Variants in ZDHHC7 observed in about 807,000 individuals in gnomAD.
The protein encoded by ZDHHC7 is zDHHC palmitoyltransferase 7.
A neutral mutation model predicts 34.1 loss-of-function variants in ZDHHC7; 12 were observed. The ratio of observed to expected loss-of-function variants is 0.35; its 90% CI spans 0.23 to 0.57. The LOEUF (loss-of-function observed/expected upper bound fraction) is 0.57, where lower values mean the gene tolerates loss of function less well. Among genes scored for constraint, ZDHHC7 ranks in the 20% least tolerant of loss-of-function variants. ZDHHC7 has a pLI of 0.84. For missense variants in ZDHHC7, 388 were observed against 402.7 expected, an observed-to-expected ratio of 0.96 and a Z score of 0.31; for synonymous variants, 185 against 155.4, an observed-to-expected ratio of 1.19 and a Z score of -1.42.
At chr16:85,009,456 ATT>A in intron 1 of ZDHHC7, among the ~76,000 whole-genome samples, 1 of 152,130 alleles carries the variant, frequency 6.6e-6, no homozygotes, top group Non-Finnish European at 1.5e-5. Context: ...GTTTCAATTC[ATT>A]AATCTGTCAA....
At chr16:84,991,223 G>C (rs868686407) in intron 2 of ZDHHC7, among the ~76,000 whole-genome samples, 42 of 152,286 alleles carry the variant, frequency 2.8e-4, no homozygotes, top group African/African-American at 9.6e-4. Flanking sequence ...TTTTGGAGCA[G>C]ACTCCCATTT....
the ZDHHC7 span, among the ~76,000 whole-genome samples, chr16:85,024,245 T>C: frequency 6.7e-6 from 1 of 149,908 alleles, no homozygotes; most frequent in Non-Finnish European, 1.5e-5. Context: ...TTTTTTTTTT[T>C]TTTTGAGACA....
upstream of ZDHHC7, among the ~76,000 whole-genome samples, chr16:85,014,773 C>G (rs2072827403): frequency 6.6e-6 from 1 of 152,132 alleles, no homozygotes; most frequent in African/African-American, 2.4e-5. Context: ...AGGACACAGC[C>G]CCAGGGGATT....
At chr16:85,017,796 G>T in the ZDHHC7 span, among the ~76,000 whole-genome samples, 2 of 152,190 alleles carry the variant, frequency 1.3e-5, no homozygotes, top group African/African-American at 4.8e-5. Flanking sequence ...TGAAAGCACA[G>T]TGATTTATTG....
At chr16:84,985,201 C>A (rs2072420887) in intron 3 of ZDHHC7, among the ~76,000 whole-genome samples, 1 of 152,244 alleles carries the variant, frequency 6.6e-6, no homozygotes, top group African/African-American at 2.4e-5. Context: ...GCTGTTCCCT[C>A]TTCTGGTGCC....
At chr16:85,001,806 A>G (rs35215168) in intron 1 of ZDHHC7, among the ~76,000 whole-genome samples, 69,573 of 151,862 alleles carry the variant, frequency 0.46, 17,567 homozygotes, top group African/African-American at 0.66. Context: ...GAATTCCTGG[A>G]CTCAAGCGAT....
At chr16:85,006,581 T>TA (rs1206821894) in intron 1 of ZDHHC7, among the ~76,000 whole-genome samples, 10 of 148,300 alleles carry the variant, frequency 6.7e-5, no homozygotes, top group Non-Finnish European at 1.3e-4. Flanking sequence ...TTCTGTAATT[T>TA]AAAAAAAAAG....
chr16:84,983,369 C>T (rs1566460), intron 3 of ZDHHC7, among the ~76,000 whole-genome samples: 37,987 of 152,086 alleles, frequency 0.25, 5,529 homozygotes, highest in East Asian at 0.5. Flanking sequence ...CAGATCTGAA[C>T]CTCTGCAGGG....
At chr16:85,013,772 T>C (rs1026328193), upstream of ZDHHC7, among the ~76,000 whole-genome samples, 6 of 152,014 alleles carry the variant, frequency 3.9e-5, no homozygotes, top group African/African-American at 1.5e-4. Context: ...CGCTGCAACC[T>C]CATCTCCTGG....
intron 2 of ZDHHC7, among the ~76,000 whole-genome samples, chr16:84,992,694 G>A (rs928485651): frequency 6.6e-6 from 1 of 152,060 alleles, no homozygotes; most frequent in Admixed American, 6.6e-5. Flanking sequence ...GAGCAGGAGC[G>A]CTCCTCATAT....
At chr16:85,013,002 A>G (rs1368457866), upstream of ZDHHC7, among the ~76,000 whole-genome samples, 2 of 152,198 alleles carry the variant, frequency 1.3e-5, no homozygotes, top group Admixed American at 1.3e-4. Context: ...AAGAAGCGAC[A>G]AATGCAGGAA....
At chr16:84,998,167 G>T (rs568435613) in intron 1 of ZDHHC7, among the ~76,000 whole-genome samples, 9 of 151,006 alleles carry the variant, frequency 6.0e-5, no homozygotes, top group African/African-American at 2.2e-4. Flanking sequence ...GGGAGGCTGA[G>T]ACAGGAGAAC....
chr16:85,017,966 C>T, the ZDHHC7 span, among the ~76,000 whole-genome samples: 7 of 152,106 alleles, frequency 4.6e-5, no homozygotes, highest in African/African-American at 1.7e-4. Context: ...TGTGGTGCCA[C>T]CCATTTTTAC....
At position 84,975,732 on chromosome 16, in the gene ZDHHC7, CACACGCACAG is replaced by C. The variant is rs1414744438; in HGVS notation, c.*601_*610del. The C allele has an allele frequency of 1.3e-5, 2 of 153,534 alleles. No homozygotes were observed. Among genetic ancestry groups the C allele is most frequent in the Non-Finnish European group, 2.9e-5 (2 of 68,714 alleles). 9.5% of individuals were successfully genotyped at this position (153,534 alleles called of 1,614,324 possible). A position where few individuals can be genotyped will look rare whatever the true frequency, so the allele number is the denominator to read the frequency against. On this transcript the variant is annotated 3_prime_UTR_variant, in exon 8 of 8. Transcript: ENST00000313732. ...TTTGACACACATGCACACACGCGCG[CACACGCACAG>C]ACACGCACACACACAGACTTGCTGA...
At chr16:84,993,223 A>AG (rs987759972) in intron 2 of ZDHHC7, among the ~76,000 whole-genome samples, 1 of 152,004 alleles carries the variant, frequency 6.6e-6, no homozygotes, top group African/African-American at 2.4e-5. Flanking sequence ...AGGGAGGCTG[A>AG]GGGGGGAAGA....
chr16:84,976,542 G>A, intron 7 of ZDHHC7, 23 bp from the exon 8 acceptor site: 1 of 1,610,628 alleles, frequency 6.2e-7, no homozygotes, highest in Non-Finnish European at 8.5e-7. Context: ...AGAAAAGCAA[G>A]TGGCAGCGGC....
intron 6 of ZDHHC7, 38 bp from the exon 7 acceptor site, chr16:84,977,263 A>G (rs1029697637): frequency 4.4e-6 from 7 of 1,608,230 alleles, no homozygotes; most frequent in Non-Finnish European, 6.0e-6. Context: ...CTGGTCCTGA[A>G]TACCCCGAGT....
At position 84,990,639 on chromosome 16, in the gene ZDHHC7, G is replaced by A; in HGVS notation, c.-17-4C>T. On this transcript the variant is annotated splice_polypyrimidine_tract_variant and splice_region_variant and intron_variant, in intron 2 of 7. Coordinates refer to ENST00000313732, the MANE Select transcript of ZDHHC7 (RefSeq NM_017740.3). ...TGCATGATTTCCCTGACGCACCCTG[G>A]GGAGGGGGACGACACAGAGCTGGTA... 2 of 1,608,036 alleles carry A rather than the reference G, an allele frequency of 1.2e-6. No individual in the cohort carries two copies. Among genetic ancestry groups the A allele is most frequent in the South Asian group, 2.2e-5 (2 of 90,540 alleles).
chr16:84,998,749 CTTTTTTTT>C (rs71151260), intron 1 of ZDHHC7, among the ~76,000 whole-genome samples: 1 of 112,528 alleles, frequency 8.9e-6, no homozygotes, highest in Non-Finnish European at 1.8e-5. Flanking sequence ...CCTTCTGAAC[CTTTTTTTT>C]TTTTTTTTTT....
Sources: allele counts gnomAD v4.1 joint callset (sites outside exome capture counted in the v4.1 genomes callset), GRCh38; gene constraint gnomAD v4.1.1; transcripts MANE v1.5; gene names NCBI Gene and HGNC (gene_info 2026-07-23, HGNC 2026-07-21).